The following CTBP2 variants were observed in gnomAD, a reference collection of about 807,000 sequenced individuals.
CTBP2 encodes the protein C-terminal binding protein 2.
A neutral mutation model predicts 80.3 loss-of-function variants in CTBP2; 30 were observed. That is an observed-to-expected ratio of 0.37 (90% confidence interval 0.28 to 0.51). CTBP2 has a LOEUF of 0.51. Ranked by LOEUF, CTBP2 falls within the 20% of genes least tolerant of loss-of-function variation. The pLI is 0.93. For synonymous variants in CTBP2, 594 were observed against 587.4 expected (o/e 1.01, Z -0.16); for missense variants, 1,212 against 1,375.3 (o/e 0.88, Z 1.88).
chr10:124,987,311 GCAAA>G lies in CTBP2; in HGVS notation c.*2203_*2206del, dbSNP rs372314922. 1.0e-4 allele frequency: 16 copies of G among 152,512 alleles called. No homozygotes were observed. The highest frequency in any genetic ancestry group is 3.4e-4 in the African/African-American group (14 of 41,476). 9.4% of individuals were successfully genotyped at this position (152,512 alleles called of 1,614,324 possible). A position where few individuals can be genotyped will look rare whatever the true frequency, so the allele number is the denominator to read the frequency against. ...TGGACTTGATGGTTCTTTTTCTAGA[GCAAA>G]CAGAGCGTGGCATTTTGTTTTGACT... On this transcript the variant is annotated 3_prime_UTR_variant, in exon 9 of 9. Transcript: ENST00000309035.
chr10:125,011,547 G>A lies in CTBP2; in HGVS notation c.1679-8055C>T, dbSNP rs1955905812. 3.9e-5 allele frequency among the ~76,000 whole-genome samples: 6 copies of A among 152,154 alleles called. No homozygotes were observed. In the South Asian group the frequency reaches 1.2e-3, roughly 32 times the overall value. On this transcript the variant is annotated intron_variant, in intron 1 of 8. Transcript: ENST00000309035. Reference sequence around the variant, plus strand: ...GAAGAGCATGTGTGGTATCTTCCAGGGTTGGAAAGAGATGTCCAGACCCAC... The same window carrying A: ...GAAGAGCATGTGTGGTATCTTCCAGAGTTGGAAAGAGATGTCCAGACCCAC...
upstream of CTBP2, among the ~76,000 whole-genome samples, chr10:125,031,488 CAAAAA>C (rs11463934): frequency 5.6e-4 from 19 of 33,698 alleles, no homozygotes; most frequent in African/African-American, 1.8e-3. Context: ...GACTCCATTT[CAAAAA>C]AAAAAAAAAA....
intron 4 of CTBP2, among the ~76,000 whole-genome samples, chr10:124,994,993 C>A (rs1171151479): frequency 6.6e-6 from 1 of 152,230 alleles, no homozygotes; most frequent in Non-Finnish European, 1.5e-5. Context: ...TCTGACAAGC[C>A]CACATGCCCC....
intron 2 of CTBP2, among the ~76,000 whole-genome samples, chr10:125,092,963 A>G (rs1849010652): frequency 6.6e-6 from 1 of 152,018 alleles, no homozygotes; most frequent in African/African-American, 2.4e-5. Context: ...CCCATGGCCC[A>G]TCTCAGGACC....
rs951457476 is a variant in CTBP2 at position 124,997,750 on chromosome 10, C to T, written c.2185+214G>A. On this transcript the variant is annotated intron_variant, in intron 4 of 8. Transcript: ENST00000309035. ...GACACTACAGACAGCAGTGGACACG[C>T]ATTCTTCCAGAACCAGCCCAGATCC... 3 of 591,386 alleles carry T rather than the reference C, an allele frequency of 5.1e-6. No individual in the cohort carries two copies. In the African/African-American group the frequency reaches 5.6e-5, roughly 11 times the overall value. 36.6% of individuals were successfully genotyped at this position (591,386 alleles called of 1,614,324 possible).
rs761928712 is a variant in CTBP2, at chr10:125,027,242, A to T, written c.518T>A (p.Ile173Asn). The change falls in exon 1 of 9, where the codon ATC (isoleucine) becomes AAC (asparagine). Residue 173 changes from isoleucine (I) to asparagine (N), a missense_variant. This residue lies in a region of CTBP2 where 848 missense variants were observed against 782.3 expected (regional missense o/e 1.08). Transcript: ENST00000309035. ...GCTCTGTGTCTGCCGCCCCTGAGGGATCATTTTACCTCCAGGATCCCGGTA... is the reference window on the plus strand; with the variant it reads ...GCTCTGTGTCTGCCGCCCCTGAGGGTTCATTTTACCTCCAGGATCCCGGTA... 2.5e-6 allele frequency: 4 copies of T among 1,613,484 alleles called. No homozygotes were observed. The highest frequency in any genetic ancestry group is 3.4e-6 in the Non-Finnish European group (4 of 1,179,970).
chr10:125,008,097 C>A (rs970297903), intron 1 of CTBP2, among the ~76,000 whole-genome samples: 1 of 152,172 alleles, frequency 6.6e-6, no homozygotes, highest in African/African-American at 2.4e-5. Context: ...CAGGCATGTG[C>A]CACCATGCCT....
chr10:125,123,208 G>T (rs1034603885), intron 1 of CTBP2, among the ~76,000 whole-genome samples: 9 of 147,606 alleles, frequency 6.1e-5, no homozygotes, highest in Admixed American at 6.8e-5. Flanking sequence ...AAGTGGATAT[G>T]ACTATAAAAG....
chr10:125,152,371 C>A (rs1860142975), intron 1 of CTBP2, among the ~76,000 whole-genome samples: 1 of 152,186 alleles, frequency 6.6e-6, no homozygotes, highest in South Asian at 2.1e-4. Flanking sequence ...TGGCGCTCCC[C>A]GCAACAGAAG....
chr10:125,044,975 A>G (rs978319464), intron 2 of CTBP2, among the ~76,000 whole-genome samples: 2 of 152,190 alleles, frequency 1.3e-5, no homozygotes, highest in Admixed American at 6.5e-5. Flanking sequence ...AATGGAGCCA[A>G]TTTTCAGAAC....
chr10:125,019,218 C>T (rs1431485718), intron 1 of CTBP2, among the ~76,000 whole-genome samples: 1 of 152,164 alleles, frequency 6.6e-6, no homozygotes, highest in Non-Finnish European at 1.5e-5. Context: ...TGAAGCCAGC[C>T]TCAGAGTGGG....
At chr10:125,126,665 T>C (rs1855313006) in intron 1 of CTBP2, among the ~76,000 whole-genome samples, 1 of 152,264 alleles carries the variant, frequency 6.6e-6, no homozygotes, top group African/African-American at 2.4e-5. Flanking sequence ...CCAGAGAAGC[T>C]ACTATCTGCT....
chr10:125,157,165 C>T (rs1266608890), intron 1 of CTBP2, among the ~76,000 whole-genome samples: 1 of 152,134 alleles, frequency 6.6e-6, no homozygotes, highest in Admixed American at 6.5e-5. Flanking sequence ...GATTCAGTTC[C>T]ACACATAAAT....
rs180879011 is a variant in CTBP2 at position 125,046,720 on chromosome 10, T to G, written c.-101-7565A>C. Among the ~76,000 whole-genome samples the G allele has an allele frequency of 2.4e-3, 366 of 152,192 alleles. 1 individual carries two copies. The highest frequency in any genetic ancestry group is 8.1e-3 in the African/African-American group (337 of 41,522). On this transcript the variant is annotated intron_variant, in intron 2 of 10. Transcript: ENST00000337195. ...ATCAAAGAAATGTACACAGCAAGTC[T>G]CTGAGCACATGGAGTCAGTGCTAGG...
At position 125,040,284 on chromosome 10, in the gene CTBP2, G is replaced by A. The variant is rs547868998; in HGVS notation, c.-101-1129C>T. Among the ~76,000 whole-genome samples, 15 of 151,866 alleles carry A rather than the reference G, an allele frequency of 9.9e-5. No homozygotes were observed. In the South Asian group the frequency reaches 2.7e-3, roughly 27 times the overall value. ...AGCCTGGCCAACATGGTAAAATCCCGTCTCTACTAAAAATACAAAAATTAG... is the reference window on the plus strand; with the variant it reads ...AGCCTGGCCAACATGGTAAAATCCCATCTCTACTAAAAATACAAAAATTAG... On this transcript the variant is annotated intron_variant, in intron 2 of 10. Coordinates refer to the CTBP2 transcript ENST00000337195.
chr10:125,082,587 CTCT>C (rs939045738), intron 2 of CTBP2, among the ~76,000 whole-genome samples: 13 of 126,880 alleles, frequency 1.0e-4, no homozygotes, highest in Admixed American at 3.2e-4. Flanking sequence ...GCCAGCTTTC[CTCT>C]TTTTTTTTTT....
intron 3 of CTBP2, among the ~76,000 whole-genome samples, chr10:125,001,958 A>G (rs1309129559): frequency 1.4e-5 from 2 of 145,452 alleles, no homozygotes; most frequent in Non-Finnish European, 3.0e-5. Context: ...TGTATGTAAC[A>G]CTCCGCTCAC....
At chr10:125,085,682 C>G (rs180978114) in intron 2 of CTBP2, among the ~76,000 whole-genome samples, 43 of 152,350 alleles carry the variant, frequency 2.8e-4, no homozygotes, top group Admixed American at 9.1e-4. Flanking sequence ...CAGCTTTAAA[C>G]TGGCCACCTT....
At chr10:124,997,921 A>G (rs748453845) in intron 4 of CTBP2, 43 bp downstream of exon 6, 1 of 1,573,696 alleles carries the variant, frequency 6.4e-7, no homozygotes, top group Non-Finnish European at 8.6e-7. Context: ...CACCAGCCCC[A>G]GTGTCGGAGG....
Sources: gnomAD v4.1 joint callset for allele counts (sites outside exome capture counted in the v4.1 genomes callset) on GRCh38, gnomAD v4.1.1 for gene constraint, gnomAD v4.1.1 regional missense constraint, MANE v1.5 for transcripts, NCBI Gene and HGNC (gene_info 2026-07-23, HGNC 2026-07-21) for gene names.